Variants in INPP4A observed in about 807,000 individuals in gnomAD.
INPP4A encodes inositol polyphosphate-4-phosphatase, type I, 107kD.
INPP4A carries 33 observed loss-of-function variants against 119.8 expected under a neutral mutation model. The ratio of observed to expected loss-of-function variants is 0.28; its 90% confidence interval spans 0.21 to 0.37. INPP4A has a LOEUF of 0.37. Among genes scored for constraint, INPP4A ranks in the 10% least tolerant of loss-of-function variants. The probability of loss-of-function intolerance (pLI) is 1.00; values close to 1 mark genes in which losing one functional copy is unlikely to be tolerated. For missense variants in INPP4A, 956 were observed against 1,289.9 expected, an observed-to-expected ratio of 0.74 and a Z score of 3.97; for synonymous variants, 496 against 500.7, an observed-to-expected ratio of 0.99 and a Z score of 0.12.
At chr2:98,466,883 C>T (rs760132676) in intron 1 of INPP4A, among the ~76,000 whole-genome samples, 3 of 152,160 alleles carry the variant, frequency 2.0e-5, no homozygotes, top group Admixed American at 6.5e-5. Context: ...TTAGAGTAGC[C>T]GGGAAAGGGC....
At chr2:98,472,368 G>A (rs896165300) in intron 1 of INPP4A, among the ~76,000 whole-genome samples, 4 of 152,216 alleles carry the variant, frequency 2.6e-5, no homozygotes, top group Non-Finnish European at 4.4e-5. Flanking sequence ...GCACAGACTC[G>A]AGTCCCCCAG....
At chr2:98,498,659 C>T (rs1241423921) in intron 1 of INPP4A, among the ~76,000 whole-genome samples, 2 of 152,092 alleles carry the variant, frequency 1.3e-5, no homozygotes, top group Admixed American at 1.3e-4. Flanking sequence ...TGTGTCTCTC[C>T]TTCAGATTCA....
intron 1 of INPP4A, among the ~76,000 whole-genome samples, chr2:98,448,870 T>C (rs1400412068): frequency 1.3e-5 from 2 of 152,134 alleles, no homozygotes; most frequent in Non-Finnish European, 2.9e-5. Flanking sequence ...ACCTGGCCAA[T>C]TTTTAAATAT....
At chr2:98,583,298 T>A (rs1017809814) in intron 24 of INPP4A, among the ~76,000 whole-genome samples, 2 of 151,106 alleles carry the variant, frequency 1.3e-5, no homozygotes, top group African/African-American at 4.9e-5. Flanking sequence ...ATATGATTGA[T>A]AATGAAAAAA....
chr2:98,574,570 G>A (rs1226277168), intron 23 of INPP4A, among the ~76,000 whole-genome samples: 6 of 151,764 alleles, frequency 4.0e-5, no homozygotes, highest in East Asian at 1.9e-4. Context: ...CCTGGGAGGC[G>A]GAGGTTGCAG....
Position 98,566,847 on chromosome 2 carries a change from A to G in INPP4A, c.2420+678A>G, listed in dbSNP as rs1341794041. ...ACTGGCCTTCCACTAGTACATGAGA[A>G]TGATTCCTGTGTTGTCATTTATCTT... On this transcript the variant is annotated intron_variant, in intron 21 of 24. Coordinates refer to ENST00000409851, the MANE Select transcript of INPP4A (RefSeq NM_001134225.2). The surrounding 1 kb of genome is among the most constrained non-coding windows in gnomAD (Gnocchi z 4.2). Among the ~76,000 whole-genome samples, 1 of 152,206 alleles carries G rather than the reference A, an allele frequency of 6.6e-6. No individual in the cohort carries two copies. The highest frequency in any genetic ancestry group is 1.5e-5 in the Non-Finnish European group (1 of 68,038).
rs913471290 is a variant in INPP4A at position 98,590,644 on chromosome 2, T to A, written c.*3036T>A. The stretch of plus-strand genomic sequence containing the variant: ...ACTTGTCAAAATGCAGTTCCACTTG[T>A]ATTAATATTGACCCTGTTCATCGTC... On this transcript the variant is annotated 3_prime_UTR_variant, in exon 25 of 25. Coordinates refer to ENST00000409851, the MANE Select transcript of INPP4A (RefSeq NM_001134225.2). 9.5e-5 allele frequency: 20 copies of A among 209,996 alleles called. No individual in the cohort carries two copies. Among genetic ancestry groups the A allele is most frequent in the African/African-American group, 4.5e-4 (20 of 43,990 alleles). The allele number at this position is 209,996 out of a possible 1,614,324, so 13.0% of individuals were successfully genotyped here.
At chr2:98,496,652 G>T (rs1347350724) in intron 1 of INPP4A, among the ~76,000 whole-genome samples, 2 of 152,106 alleles carry the variant, frequency 1.3e-5, no homozygotes, top group Non-Finnish European at 2.9e-5. Flanking sequence ...AAACATACAA[G>T]GAACTCAAAC....
rs1694345017 is a variant in INPP4A, at chr2:98,555,747, C to T, written c.1761C>T (p.Val587=). 3 of 1,594,964 alleles carry T rather than the reference C, an allele frequency of 1.9e-6. No homozygotes were observed. Among genetic ancestry groups the T allele is most frequent in the South Asian group, 1.1e-5 (1 of 88,770 alleles). The part of the protein sequence containing the change: ...WIRPEDPFCD[V]PSSPCPSTMP... ...GACCAGAAGACCCCTTCTGTGATGT[C>T]CCCTCCTCACCATGCCCCTCCACCA... The change falls in exon 16 of 25, where the codon GTC becomes GTT. Residue 587 remains valine (V), a synonymous_variant. Transcript: ENST00000409851.
intron 22 of INPP4A, chr2:98,571,880 C>A: frequency 6.5e-6 from 1 of 152,736 alleles, no homozygotes. Flanking sequence ...TCTGGGCTCC[C>A]ACAGCTTCCG....
chr2:98,461,710 C>T (rs2104648524), intron 1 of INPP4A, among the ~76,000 whole-genome samples: 1 of 152,288 alleles, frequency 6.6e-6, no homozygotes, highest in African/African-American at 2.4e-5. Context: ...GTGTATATGC[C>T]AGCAGGCCTG....
At chr2:98,523,033 A>ATGAGAAG (rs1308949795) in intron 4 of INPP4A, among the ~76,000 whole-genome samples, 2 of 152,222 alleles carry the variant, frequency 1.3e-5, no homozygotes, top group African/African-American at 4.8e-5. Flanking sequence ...CTAAAGAGGG[A>ATGAGAAG]CCACACTGAG....
rs150616688 is a variant in INPP4A at position 98,494,440 on chromosome 2, A to C, written c.-165-24524A>C. Among the ~76,000 whole-genome samples the C allele has an allele frequency of 4.9e-3, 752 of 152,296 alleles. 7 individuals carry two copies. The highest frequency in any genetic ancestry group is 0.017 in the African/African-American group (707 of 41,558). ...ACTGCTCCCATCCAGCACCCTGTTCATAAAGTGGAAGTGTCACTCCGAGAG... is the reference window on the plus strand; with the variant it reads ...ACTGCTCCCATCCAGCACCCTGTTCCTAAAGTGGAAGTGTCACTCCGAGAG... On this transcript the variant is annotated intron_variant, in intron 1 of 24. Transcript: ENST00000409851.
chr2:98,540,238 C>T (rs1423031405), intron 10 of INPP4A, among the ~76,000 whole-genome samples: 2 of 152,134 alleles, frequency 1.3e-5, no homozygotes, highest in African/African-American at 2.4e-5. Flanking sequence ...GGCCTTCCTT[C>T]TCTTCTTTTC....
intron 1 of INPP4A, among the ~76,000 whole-genome samples, chr2:98,494,330 G>A (rs1681472442): frequency 6.6e-6 from 1 of 152,190 alleles, no homozygotes; most frequent in South Asian, 2.1e-4. Flanking sequence ...AGAATAATGG[G>A]TCCCCAGTTG....
At position 98,528,971 on chromosome 2, in the gene INPP4A, G is replaced by A. The variant is rs538759225; in HGVS notation, c.152-4406G>A. On this transcript the variant is annotated intron_variant, in intron 4 of 24. Transcript: ENST00000409851. ...CAGGCGCCTGTAGTCCCAGCTACTC[G>A]GGAGGCTGAGGCAGGAGAATTGGCG... Among the ~76,000 whole-genome samples, 12 of 151,812 alleles carry A rather than the reference G, an allele frequency of 7.9e-5. No homozygotes were observed. In the East Asian group the frequency reaches 1.2e-3, roughly 15 times the overall value.
At chr2:98,555,525 AC>A (rs773664578) in intron 15 of INPP4A, 27 bp from the exon 16 acceptor site, 1 of 1,569,598 alleles carries the variant, frequency 6.4e-7, no homozygotes, top group Non-Finnish European at 8.7e-7. Context: ...GGGAGAGCTG[AC>A]CCACATGGGC....
At chr2:98,565,600 G>C in intron 19 of INPP4A, 40 bp from the exon 20 acceptor site, 1 of 1,572,986 alleles carries the variant, frequency 6.4e-7, no homozygotes, top group East Asian at 2.3e-5. Flanking sequence ...AGAGTAGCAG[G>C]GCCCTCTGCC....
At position 98,554,161 on chromosome 2, in the gene INPP4A, A is replaced by G; in HGVS notation, c.1348-110A>G. The G allele has an allele frequency of 1.3e-6, 1 of 766,528 alleles. No homozygotes were observed. The highest frequency in any genetic ancestry group is 2.1e-6 in the Non-Finnish European group (1 of 477,846). The allele number at this position is 766,528 out of a possible 1,614,324, so 47.5% of individuals were successfully genotyped here. On this transcript the variant is annotated intron_variant, in intron 14 of 24. Coordinates refer to ENST00000409851, the MANE Select transcript of INPP4A (RefSeq NM_001134225.2). The surrounding 1 kb of genome is among the most constrained non-coding windows in gnomAD (Gnocchi z 4.7). The stretch of plus-strand genomic sequence containing the variant: ...GTTGCTTTGCACTGTGGAGAAAGGC[A>G]GAGGGGTGCAGTGCTGGGCTTTAAG...
Sources: allele counts gnomAD v4.1 joint callset (sites outside exome capture counted in the v4.1 genomes callset), GRCh38; gene constraint gnomAD v4.1.1; non-coding constraint Gnocchi (gnomAD v3.1); transcripts MANE v1.5; gene names NCBI Gene and HGNC (gene_info 2026-07-23, HGNC 2026-07-21).